BFAR: variants seen among roughly 807,000 people sequenced by gnomAD.
BFAR encodes RING finger protein 47.
BFAR carries 52 observed loss-of-function variants against 54.4 expected under a neutral mutation model. That is an observed-to-expected ratio of 0.96 (90% confidence interval 0.77 to 1.21). The LOEUF (loss-of-function observed/expected upper bound fraction) is 1.21. Among genes scored for constraint, BFAR ranks in the 50% most tolerant of loss-of-function variants. The pLI, the probability that BFAR is intolerant of heterozygous loss-of-function variation, is 0.00. For synonymous variants in BFAR, 215 were observed against 204.3 expected (o/e 1.05, Z -0.45); for missense variants, 571 against 534.0 (o/e 1.07, Z -0.68).
chr16:14,658,125 A>G (rs1271474815), intron 5 of BFAR, among the ~76,000 whole-genome samples: 1 of 152,150 alleles, frequency 6.6e-6, no homozygotes, highest in Admixed American at 6.5e-5. Flanking sequence ...AGAGAAAGGA[A>G]AACAGCTCTG....
At chr16:14,663,412 A>G (rs1187092821) in intron 6 of BFAR, among the ~76,000 whole-genome samples, 1 of 151,706 alleles carries the variant, frequency 6.6e-6, no homozygotes, top group Non-Finnish European at 1.5e-5. Flanking sequence ...GCTCACTGCA[A>G]CCTCCATCTC....
rs568524196 is a variant in BFAR at position 14,638,946 on chromosome 16, A to G, written c.-73-5328A>G. Among the ~76,000 whole-genome samples, 4 of 152,266 alleles carry G rather than the reference A, an allele frequency of 2.6e-5. No individual in the cohort carries two copies. The South Asian group carries it at 8.3e-4, about 32-fold the overall frequency. The stretch of plus-strand genomic sequence containing the variant: ...GGCAACAGAGTAAGACTTGTCTCAA[A>G]AAGAAAAAAAAAAAAAGAAAAATTC... On this transcript the variant is annotated intron_variant, in intron 1 of 7. Coordinates refer to ENST00000261658, the MANE Select transcript of BFAR (RefSeq NM_016561.3).
At chr16:14,654,890 T>A (rs1960077644) in intron 4 of BFAR, among the ~76,000 whole-genome samples, 176 bp from the exon 5 acceptor site, 1 of 152,208 alleles carries the variant, frequency 6.6e-6, no homozygotes, top group African/African-American at 2.4e-5. Flanking sequence ...ATTTATAGAT[T>A]GTCACTGGTA....
At chr16:14,644,846 G>A (rs1463393138) in intron 2 of BFAR, among the ~76,000 whole-genome samples, 3 of 152,078 alleles carry the variant, frequency 2.0e-5, no homozygotes, top group Non-Finnish European at 4.4e-5. Flanking sequence ...TGTTTGAAAG[G>A]TCGCACACTT....
chr16:14,664,390 CAAAAAAA>C (rs753783830), intron 6 of BFAR, among the ~76,000 whole-genome samples: 5 of 58,100 alleles, frequency 8.6e-5, no homozygotes, highest in Non-Finnish European at 1.5e-4. Flanking sequence ...GACTCCGTCT[CAAAAAAA>C]AAAAAAAAAA....
At chr16:14,663,871 G>A (rs1390491608) in intron 6 of BFAR, among the ~76,000 whole-genome samples, 1 of 151,738 alleles carries the variant, frequency 6.6e-6, no homozygotes, top group Admixed American at 6.6e-5. Context: ...CATAATTCAT[G>A]CTTTTTTTTT....
chr16:14,636,361 A>G (rs1208456518), intron 1 of BFAR, among the ~76,000 whole-genome samples: 1 of 152,234 alleles, frequency 6.6e-6, no homozygotes. Context: ...TGGCAGGGTC[A>G]GGATAATAGT....
At chr16:14,664,381 A>T (rs900720758) in intron 6 of BFAR, among the ~76,000 whole-genome samples, 12 of 132,128 alleles carry the variant, frequency 9.1e-5, no homozygotes, top group African/African-American at 3.5e-4. Context: ...ACAGATCAAG[A>T]CTCCGTCTCA....
intron 2 of BFAR, among the ~76,000 whole-genome samples, chr16:14,645,087 G>A (rs1186772098): frequency 6.6e-6 from 1 of 152,192 alleles, no homozygotes; most frequent in Non-Finnish European, 1.5e-5. Flanking sequence ...GCTGAGGTAG[G>A]AACATTGCTT....
intron 6 of BFAR, among the ~76,000 whole-genome samples, chr16:14,663,178 G>A (rs1201364316): frequency 1.3e-5 from 2 of 152,166 alleles, no homozygotes; most frequent in Non-Finnish European, 2.9e-5. Flanking sequence ...TTCTTTGGAG[G>A]CAGAAATTGG....
At chr16:14,657,404 G>A (rs1262019495) in intron 5 of BFAR, among the ~76,000 whole-genome samples, 1 of 151,296 alleles carries the variant, frequency 6.6e-6, no homozygotes, top group East Asian at 2.0e-4. Context: ...GCCCACCACC[G>A]TGCCCGGCTA....
At position 14,638,864 on chromosome 16, in the gene BFAR, G is replaced by C. The variant is rs1401710669; in HGVS notation, c.-73-5410G>C. ...GGAGGCTGAGGCATGAGAATTGCTT[G>C]AATCCAGGAGGCGGAGGTTGCAGTG... On this transcript the variant is annotated intron_variant, in intron 1 of 7. Coordinates refer to ENST00000261658, the MANE Select transcript of BFAR (RefSeq NM_016561.3). Among the ~76,000 whole-genome samples the C allele has an allele frequency of 1.3e-5, 2 of 151,886 alleles. 1 individual carries two copies. Among genetic ancestry groups the C allele is most frequent in the Admixed American group, 1.3e-4 (2 of 15,224 alleles).
intron 5 of BFAR, among the ~76,000 whole-genome samples, chr16:14,656,197 G>A (rs567540671): frequency 5.1e-4 from 77 of 151,728 alleles, no homozygotes; most frequent in Non-Finnish European, 1.0e-3. Flanking sequence ...GCAAGACTCC[G>A]TCCCAAAAAA....
At chr16:14,636,950 G>A (rs898785266) in intron 1 of BFAR, among the ~76,000 whole-genome samples, 2 of 152,190 alleles carry the variant, frequency 1.3e-5, no homozygotes, top group Non-Finnish European at 2.9e-5. Flanking sequence ...GACACAGCAC[G>A]TGTTTCAGAG....
At chr16:14,655,348 GTCCT>G (rs1960099911) in intron 5 of BFAR, 138 bp downstream of exon 5, 1 of 799,818 alleles carries the variant, frequency 1.3e-6, no homozygotes, top group South Asian at 5.4e-5. Context: ...TTGAGACAGA[GTCCT>G]TCTCTGTCGC....
chr16:14,658,798 T>C (rs1960200037), intron 5 of BFAR, among the ~76,000 whole-genome samples: 1 of 152,056 alleles, frequency 6.6e-6, no homozygotes, highest in African/African-American at 2.4e-5. Context: ...AGTAACTTCT[T>C]CTTCACTCCT....
intron 5 of BFAR, among the ~76,000 whole-genome samples, chr16:14,656,029 G>A (rs1396576192): frequency 6.6e-6 from 1 of 152,050 alleles, no homozygotes; most frequent in Non-Finnish European, 1.5e-5. Flanking sequence ...GGCCAACGTG[G>A]TGAAACCCCG....
intron 2 of BFAR, 59 bp downstream of exon 2, chr16:14,644,668 C>CTTTTT: frequency 7.5e-7 from 1 of 1,331,052 alleles, no homozygotes; most frequent in Non-Finnish European, 1.0e-6. Flanking sequence ...TTCTCTCTTG[C>CTTTTT]TTTTTTTTTT....
intron 2 of BFAR, 73 bp from the exon 3 acceptor site, chr16:14,648,315 A>G (rs1026103839): frequency 4.3e-5 from 51 of 1,183,552 alleles, no homozygotes; most frequent in Non-Finnish European, 1.5e-5. Flanking sequence ...GTTGACTATC[A>G]GGGCTTTTTT....
Sources: allele counts gnomAD v4.1 joint callset (sites outside exome capture counted in the v4.1 genomes callset), GRCh38; gene constraint gnomAD v4.1.1; transcripts MANE v1.5; gene names NCBI Gene and HGNC (gene_info 2026-07-23, HGNC 2026-07-21).